Variants in CSMD2 observed in about 807,000 individuals in gnomAD.
The protein encoded by CSMD2 is CUB and sushi domain-containing protein 2.
In CSMD2, 130 loss-of-function variants were observed where a neutral mutation model predicts 398.5. That is an observed-to-expected ratio of 0.33 (90% CI 0.28 to 0.38). The LOEUF (loss-of-function observed/expected upper bound fraction) is 0.38, where lower values mean the gene tolerates loss of function less well. Ranked by LOEUF, CSMD2 falls within the 10% of genes least tolerant of loss-of-function variation. The pLI, the probability that CSMD2 is intolerant of heterozygous loss-of-function variation, is 1.00. For synonymous variants in CSMD2, 1,828 were observed against 1,908.5 expected (o/e 0.96, Z 1.10); for missense variants, 3,829 against 4,764.9 (o/e 0.80, Z 5.78).
At chr1:34,132,036 A>G (rs1663402399) in intron 1 of CSMD2, among the ~76,000 whole-genome samples, 1 of 152,036 alleles carries the variant, frequency 6.6e-6, no homozygotes. Flanking sequence ...AACCTTATAG[A>G]CAATTCCTAA....
intron 5 of CSMD2, among the ~76,000 whole-genome samples, chr1:33,852,183 G>A (rs1638758180): frequency 6.6e-6 from 1 of 152,088 alleles, no homozygotes; most frequent in Admixed American, 6.5e-5. Flanking sequence ...ATCGCCAATT[G>A]TGGCCAAGTC....
chr1:33,803,504 TA>T lies in CSMD2; in HGVS notation c.1446+7238del, dbSNP rs375026393. Among the ~76,000 whole-genome samples, 12 of 152,332 alleles carry T rather than the reference TA, an allele frequency of 7.9e-5. No homozygotes were observed. The East Asian group carries it at 1.9e-3, about 24-fold the overall frequency. On this transcript the variant is annotated intron_variant, in intron 10 of 70. Transcript: ENST00000373381. Reference sequence around the variant, plus strand: ...ACCACTGGACCAAGCCAGAAAGCACTAAGTCATCATTCATCTGTTCATGGAA... The same window carrying T: ...ACCACTGGACCAAGCCAGAAAGCACTAGTCATCATTCATCTGTTCATGGAA...
rs748164797 is a variant in CSMD2, at chr1:33,625,232, C to T, written c.5319G>A (p.Thr1773=). 2.5e-6 allele frequency: 4 copies of T among 1,612,846 alleles called. No individual in the cohort carries two copies. Among genetic ancestry groups the T allele is most frequent in the South Asian group, 1.1e-5 (1 of 90,728 alleles). Residue 1773 remains threonine, a synonymous_variant, in exon 34 of 71, where the codon ACG becomes ACA. Transcript: ENST00000373381. ...VYQAVPRTSA[T]QCSSVPEPRY... ...GGGGTTCCGGCACAGAGCTGCACTG[C>T]GTGGCGCTGGTTCGAGGAACCGCTG... is the stretch of plus-strand genomic sequence containing the variant.
At chr1:33,887,096 A>C (rs1641650295) in intron 5 of CSMD2, among the ~76,000 whole-genome samples, 1 of 152,100 alleles carries the variant, frequency 6.6e-6, no homozygotes, top group Non-Finnish European at 1.5e-5. Flanking sequence ...ATAATCCTTA[A>C]TTTTAAAAGG....
intron 3 of CSMD2, among the ~76,000 whole-genome samples, chr1:34,028,216 G>C (rs1649933846): frequency 6.6e-6 from 1 of 152,102 alleles, no homozygotes; most frequent in African/African-American, 2.4e-5. Context: ...AGCTACTTCA[G>C]GGGCTGAGGC....
chr1:33,586,964 A>G (rs1350951035), intron 45 of CSMD2, 124 bp downstream of exon 45: 1 of 699,492 alleles, frequency 1.4e-6, no homozygotes, highest in African/African-American at 1.8e-5. Flanking sequence ...CACAGGGCCT[A>G]CTGTTTCTCT....
intron 25 of CSMD2, among the ~76,000 whole-genome samples, chr1:33,692,495 C>T (rs1645272619): frequency 6.6e-6 from 1 of 152,224 alleles, no homozygotes; most frequent in South Asian, 2.1e-4. Flanking sequence ...AAATATTTCA[C>T]TATGTTCCAA....
intron 1 of CSMD2, among the ~76,000 whole-genome samples, chr1:34,158,360 G>A (rs1479310207): frequency 1.3e-5 from 2 of 152,170 alleles, no homozygotes; most frequent in Admixed American, 6.5e-5. Flanking sequence ...AAGCTCTCAC[G>A]ACACTGCAGC....
At chr1:34,043,586 T>G (rs1314150431) in intron 2 of CSMD2, among the ~76,000 whole-genome samples, 3 of 152,166 alleles carry the variant, frequency 2.0e-5, no homozygotes, top group Admixed American at 1.3e-4. Context: ...CAGTACATAT[T>G]AGATGCAATA....
rs1038738895 is a variant in CSMD2 at position 33,575,852 on chromosome 1, G to A, written c.7576+1444C>T. On this transcript the variant is annotated intron_variant, in intron 49 of 70. Transcript: ENST00000373381. ...TCTTTGAGAAAGCACAGGCACAGGCGAGAAGGTTGTGAGGATTAGAGATGA... is the reference window on the plus strand; with the variant it reads ...TCTTTGAGAAAGCACAGGCACAGGCAAGAAGGTTGTGAGGATTAGAGATGA... Among the ~76,000 whole-genome samples the A allele has an allele frequency of 2.0e-5, 3 of 152,212 alleles. No individual in the cohort carries two copies. The South Asian group carries it at 6.2e-4, about 32-fold the overall frequency.
At chr1:34,152,648 C>T (rs1640435035) in intron 1 of CSMD2, among the ~76,000 whole-genome samples, 1 of 152,294 alleles carries the variant, frequency 6.6e-6, no homozygotes, top group South Asian at 2.1e-4. Flanking sequence ...CTTGAACATC[C>T]TTCTCTGGGA....
In CSMD2 at chr1:33,560,269, T is replaced by A. The variant is rs546106465; in HGVS notation, c.8381-796A>T. 3.3e-5 allele frequency among the ~76,000 whole-genome samples: 5 copies of A among 152,276 alleles called. No individual in the cohort carries two copies. The East Asian group carries it at 7.7e-4, about 24-fold the overall frequency. On this transcript the variant is annotated intron_variant, in intron 53 of 70. Transcript: ENST00000373381. The stretch of plus-strand genomic sequence containing the variant: ...CCTCCATCTGACTGTCACATTAAGC[T>A]CCATTTTCCAACTTAGCCTTTATTA...
intron 2 of CSMD2, among the ~76,000 whole-genome samples, chr1:34,050,667 G>T (rs1653072656): frequency 6.6e-6 from 1 of 152,240 alleles, no homozygotes; most frequent in African/African-American, 2.4e-5. Context: ...CCATAGCCAG[G>T]ATTCACAAGT....
intron 41 of CSMD2, chr1:33,606,092 G>C: frequency 4.1e-6 from 6 of 1,465,284 alleles, no homozygotes; most frequent in Non-Finnish European, 5.4e-6. Flanking sequence ...GTTTCCATGA[G>C]AGTGGGTGGC....
At chr1:34,140,887 A>G (rs72888109) in intron 1 of CSMD2, among the ~76,000 whole-genome samples, 4,220 of 152,176 alleles carry the variant, frequency 0.028, 180 homozygotes, top group African/African-American at 0.097. Flanking sequence ...GACCAGGCTC[A>G]TAATCACTTC....
chr1:33,907,517 G>C (rs1643175159), intron 5 of CSMD2, among the ~76,000 whole-genome samples: 1 of 152,060 alleles, frequency 6.6e-6, no homozygotes, highest in Non-Finnish European at 1.5e-5. Flanking sequence ...AATGGGGAGA[G>C]AAGACTTGAG....
rs909250289 is a variant in CSMD2, at chr1:33,536,493, G to A, written c.9879+529C>T. The stretch of plus-strand genomic sequence containing the variant: ...CCGCCTTGGCTTCCCAAAGTGCTGG[G>A]ATTACAGGCGTGAGCCACCGCACCC... On this transcript the variant is annotated intron_variant, in intron 62 of 70. Transcript: ENST00000373381. 3.3e-5 allele frequency among the ~76,000 whole-genome samples: 5 copies of A among 152,224 alleles called. No homozygotes were observed. In the South Asian group the frequency reaches 8.3e-4, roughly 25 times the overall value.
chr1:34,139,593 C>G (rs1163371063), intron 1 of CSMD2, among the ~76,000 whole-genome samples: 1 of 152,196 alleles, frequency 6.6e-6, no homozygotes, highest in South Asian at 2.1e-4. Context: ...AGAAAGCAGA[C>G]AGAGTCACAA....
intron 3 of CSMD2, among the ~76,000 whole-genome samples, chr1:33,975,858 G>A (rs903293187): frequency 2.0e-5 from 3 of 152,152 alleles, no homozygotes; most frequent in Admixed American, 6.5e-5. Flanking sequence ...AAACCCAGCA[G>A]GTGGAACCAG....
Sources: allele counts gnomAD v4.1 joint callset (sites outside exome capture counted in the v4.1 genomes callset), GRCh38; gene constraint gnomAD v4.1.1; transcripts MANE v1.5; gene names NCBI Gene and HGNC (gene_info 2026-07-23, HGNC 2026-07-21).